Variants in ALDH3B2 observed in about 807,000 individuals in gnomAD.
ALDH3B2 encodes the protein aldehyde dehydrogenase 3 family member B2, also known as aldehyde dehydrogenase family 3 member B2.
In ALDH3B2, 45 loss-of-function variants were observed where a neutral mutation model predicts 36.7. The observed-to-expected ratio is 1.23, with a 90% confidence interval of 0.97 to 1.57. The LOEUF is 1.57. Among genes scored for constraint, ALDH3B2 ranks in the 40% most tolerant of loss-of-function variants. The pLI is 0.00. For synonymous variants in ALDH3B2, 217 were observed against 226.5 expected (o/e 0.96, Z 0.38); for missense variants, 464 against 513.3 (o/e 0.90, Z 0.93).
chr11:67,671,661 C>T (rs1856118686), intron 1 of ALDH3B2, among the ~76,000 whole-genome samples: 1 of 151,750 alleles, frequency 6.6e-6, no homozygotes, highest in Admixed American at 6.6e-5. Context: ...ATTCTTCTGC[C>T]TCAACCTCCC....
upstream of ALDH3B2, among the ~76,000 whole-genome samples, chr11:67,675,738 T>A (rs188306370): frequency 2.0e-5 from 3 of 152,194 alleles, no homozygotes; most frequent in African/African-American, 7.2e-5. Context: ...GGCAGAATGC[T>A]AAGGCCCATC....
chr11:67,668,912 T>C, intron 1 of ALDH3B2, among the ~76,000 whole-genome samples: 1 of 150,604 alleles, frequency 6.6e-6, no homozygotes, highest in African/African-American at 2.4e-5. Flanking sequence ...GTGCTGTGTG[T>C]CTGTATGTGT....
intron 7 of ALDH3B2, 110 bp downstream of exon 7, chr11:67,665,175 A>G (rs1290662680): frequency 6.6e-7 from 1 of 1,505,038 alleles, no homozygotes; most frequent in East Asian, 2.3e-5. Flanking sequence ...CCGGGCTCTG[A>G]TAGTGGGGCC....
At chr11:67,663,336 G>T (rs1855802148) in exon 10 of ALDH3B2, 7 of 1,614,184 alleles carry the variant, frequency 4.3e-6, no homozygotes, top group Non-Finnish European at 5.9e-6. Context: ...GAGCAGGCAG[G>T]TGCGGTGGTG....
At position 67,664,079 on chromosome 11, in the gene ALDH3B2, A is replaced by G. The variant is rs1423589739; in HGVS notation, c.873+317T>C. 9.1e-6 allele frequency: 5 copies of G among 548,180 alleles called. No individual in the cohort carries two copies. In the Admixed American group the frequency reaches 1.3e-4, roughly 14 times the overall value. The allele number at this position is 548,180 out of a possible 1,614,324, so 34.0% of individuals were successfully genotyped here. A position where few individuals can be genotyped will look rare whatever the true frequency, so the allele number is the denominator to read the frequency against. On this transcript the variant is annotated intron_variant, in intron 8 of 9. Transcript: ENST00000349015. ...GCCCCACCGCGACCCGCTGGGCTCTATCAGGCCCCTGCTCTGCTCTGTCCC... is the reference window on the plus strand; with the variant it reads ...GCCCCACCGCGACCCGCTGGGCTCTGTCAGGCCCCTGCTCTGCTCTGTCCC...
exon 4 of ALDH3B2, chr11:67,666,645 A>C (rs368925198): frequency 3.0e-5 from 48 of 1,613,988 alleles, no homozygotes; most frequent in Non-Finnish European, 3.5e-5. Flanking sequence ...GATGATGAGG[A>C]CCAGGCCAAA....
chr11:67,666,330 G>A lies in ALDH3B2; in HGVS notation c.223C>T (p.Gln75Ter), dbSNP rs749437614. 1.4e-5 allele frequency: 22 copies of A among 1,607,104 alleles called. No individual in the cohort carries two copies. The highest frequency in any genetic ancestry group is 4.4e-5 in the South Asian group (4 of 90,322). ...GCCACCCTCACCTGGTCCAGGTACT[G>A]GGGCAGCACCTCAGCCAGGACCTTC... Residue 75 changes from glutamine (Q) to a stop codon, truncating the protein, a stop_gained, in exon 5 of 10, where the codon CAG (glutamine) becomes TAG (stop). Coordinates refer to ENST00000349015, the Ensembl canonical transcript of ALDH3B2. LOFTEE classifies it high-confidence loss of function.
upstream of ALDH3B2, among the ~76,000 whole-genome samples, chr11:67,674,922 G>A (rs1294860077): frequency 6.6e-6 from 1 of 152,148 alleles, no homozygotes; most frequent in East Asian, 1.9e-4. Context: ...GGATCCTGGT[G>A]GCAAATGCTG....
At chr11:67,664,706 T>G in intron 7 of ALDH3B2, 144 bp from the exon 8 acceptor site, 1 of 1,275,306 alleles carries the variant, frequency 7.8e-7, no homozygotes, top group Non-Finnish European at 1.1e-6. Flanking sequence ...GGCTTTGGAG[T>G]GTTTAGGGAA....
intron 2 of ALDH3B2, 124 bp from the exon 3 acceptor site, chr11:67,667,140 G>T: frequency 1.6e-6 from 1 of 618,348 alleles, no homozygotes; most frequent in Non-Finnish European, 2.9e-6. Flanking sequence ...CCTATGGGAG[G>T]CACTGCCGTC....
At chr11:67,675,044 C>G (rs1378852273), upstream of ALDH3B2, among the ~76,000 whole-genome samples, 1 of 152,200 alleles carries the variant, frequency 6.6e-6, no homozygotes, top group Non-Finnish European at 1.5e-5. Context: ...TGTCCTCACT[C>G]TTCAGGCTTC....
At chr11:67,676,808 A>G (rs1380125869), upstream of ALDH3B2, among the ~76,000 whole-genome samples, 1 of 152,204 alleles carries the variant, frequency 6.6e-6, no homozygotes, top group Non-Finnish European at 1.5e-5. Context: ...AGAGCATTCA[A>G]GGCTATGGTG....
At chr11:67,663,846 C>A in intron 8 of ALDH3B2, 85 bp from the exon 9 acceptor site, 1 of 1,150,764 alleles carries the variant, frequency 8.7e-7, no homozygotes, top group Non-Finnish European at 1.2e-6. Context: ...GGAGGTGAGC[C>A]TCATCCTCAC....
At position 67,665,351 on chromosome 11, in the gene ALDH3B2, G is replaced by T. The variant is rs61736824; in HGVS notation, c.640C>A (p.Arg214=). The stretch of plus-strand genomic sequence containing the variant: ...ACGCGGCTGCAGCCCAGCAATGCCC[G>T]CAGCCGCTGGAACTGTTTCTGGTTG... The change falls in exon 7 of 10, where the codon CGG becomes AGG. Residue 214 remains arginine, a synonymous_variant. Coordinates refer to ENST00000349015, the Ensembl canonical transcript of ALDH3B2. 26 of 1,612,792 alleles carry T rather than the reference G, an allele frequency of 1.6e-5. No homozygotes were observed. In the African/African-American group the frequency reaches 3.5e-4, roughly 22 times the overall value.
At chr11:67,669,354 G>A (rs547686138) in intron 1 of ALDH3B2, among the ~76,000 whole-genome samples, 2 of 150,690 alleles carry the variant, frequency 1.3e-5, no homozygotes, top group African/African-American at 4.9e-5. Context: ...GTGTCTATGG[G>A]TGTCTGTGTG....
intron 2 of ALDH3B2, 44 bp from the exon 3 acceptor site, chr11:67,667,060 G>GCCTGA: frequency 8.6e-7 from 1 of 1,169,388 alleles, no homozygotes; most frequent in Non-Finnish European, 1.3e-6. Flanking sequence ...CCAGACCTGG[G>GCCTGA]CCAGGAGGGG....
At chr11:67,663,135 A>G in exon 10 of ALDH3B2, 1 of 1,470,292 alleles carries the variant, frequency 6.8e-7, no homozygotes, top group Non-Finnish European at 9.2e-7. Context: ...GTCTGGAGGA[A>G]CAATGTGAGT....
chr11:67,663,003 C>G (rs371069913), exon 10 of ALDH3B2: 1 of 608,560 alleles, frequency 1.6e-6, no homozygotes, highest in Non-Finnish European at 2.8e-6. Context: ...GCATGTTCTG[C>G]GGCCTCTTGG....
upstream of ALDH3B2, among the ~76,000 whole-genome samples, chr11:67,676,952 G>T (rs542511230): frequency 6.6e-6 from 1 of 152,110 alleles, no homozygotes; most frequent in South Asian, 2.1e-4. Context: ...GGATGGAAGT[G>T]GTAATTTTAA....
Sources: allele counts gnomAD v4.1 joint callset (sites outside exome capture counted in the v4.1 genomes callset), GRCh38; gene constraint gnomAD v4.1.1; transcripts MANE v1.5; gene names NCBI Gene and HGNC (gene_info 2026-07-23, HGNC 2026-07-21).